The following CCDC178 variants were observed in gnomAD, a reference collection of about 807,000 sequenced individuals.
CCDC178 encodes the protein coiled-coil domain-containing protein 178.
Under a neutral mutation model 117.4 loss-of-function variants are expected in CCDC178, and 126 were observed. That is an observed-to-expected ratio of 1.07 (90% CI 0.93 to 1.24). The LOEUF is 1.24. CCDC178 is among the 50% of genes most tolerant of loss of function. CCDC178 has a pLI of 0.00. For synonymous variants in CCDC178, 283 were observed against 313.4 expected (o/e 0.90, Z 1.02); for missense variants, 1,030 against 986.9 (o/e 1.04, Z -0.59).
chr18:32,952,416 T>C (rs1568176885), intron 22 of CCDC178, among the ~76,000 whole-genome samples: 4 of 152,210 alleles, frequency 2.6e-5, no homozygotes, highest in African/African-American at 9.6e-5. Context: ...CCACCAAGGC[T>C]TTGGGTCTGC....
chr18:33,046,328 G>T lies in CCDC178; in HGVS notation c.2388+46433C>A, dbSNP rs187038933. Among the ~76,000 whole-genome samples the T allele has an allele frequency of 2.2e-3, 331 of 152,104 alleles. 2 individuals carry two copies. The highest frequency in any genetic ancestry group is 0.017 in the Middle Eastern group (5 of 294). On this transcript the variant is annotated intron_variant, in intron 21 of 22. Transcript: ENST00000383096. ...GCCAGGGACACACAATTGCTATTTGGCATAGCTATGACTTGAACATAAATC... is the reference window on the plus strand; with the variant it reads ...GCCAGGGACACACAATTGCTATTTGTCATAGCTATGACTTGAACATAAATC...
At chr18:33,254,268 A>G (rs2059652566) in intron 14 of CCDC178, among the ~76,000 whole-genome samples, 4 of 150,628 alleles carry the variant, frequency 2.7e-5, no homozygotes, top group African/African-American at 9.8e-5. Flanking sequence ...ACACACACAC[A>G]CACACACACA....
chr18:33,354,049 G>C (rs2063016836), intron 7 of CCDC178, among the ~76,000 whole-genome samples: 1 of 152,100 alleles, frequency 6.6e-6, no homozygotes, highest in African/African-American at 2.4e-5. Context: ...ACTCTTGCTA[G>C]ATTCGGAATT....
At chr18:33,267,332 T>C (rs773708947) in intron 12 of CCDC178, 35 bp from the exon 13 acceptor site, 8 of 1,225,684 alleles carry the variant, frequency 6.5e-6, no homozygotes, top group African/African-American at 3.1e-5. Flanking sequence ...AAGTGAATTG[T>C]ATAGCTTTTC....
chr18:33,299,788 CAAAAA>C (rs1599126603), intron 11 of CCDC178, among the ~76,000 whole-genome samples: 13 of 141,034 alleles, frequency 9.2e-5, no homozygotes, highest in African/African-American at 1.3e-4. Context: ...AAAAAAAACA[CAAAAA>C]ACAAAAAACA....
intron 4 of CCDC178, among the ~76,000 whole-genome samples, chr18:33,393,944 C>T (rs931796353): frequency 6.6e-6 from 1 of 151,916 alleles, no homozygotes; most frequent in African/African-American, 2.4e-5. Context: ...CAGAGAGATT[C>T]CTTACCAACT....
intron 21 of CCDC178, among the ~76,000 whole-genome samples, chr18:33,068,751 A>C (rs188127628): frequency 7.2e-5 from 11 of 152,296 alleles, no homozygotes; most frequent in African/African-American, 2.6e-4. Flanking sequence ...TTCCTCTAAG[A>C]ATGAGAGCAA....
chr18:32,939,632 T>C (rs917538977), intron 22 of CCDC178, among the ~76,000 whole-genome samples: 2 of 152,146 alleles, frequency 1.3e-5, no homozygotes, highest in African/African-American at 2.4e-5. Flanking sequence ...ACAACAGTAA[T>C]GACGGTGACT....
chr18:33,311,946 A>T (rs753940595), intron 11 of CCDC178, among the ~76,000 whole-genome samples: 2 of 152,202 alleles, frequency 1.3e-5, no homozygotes, highest in Non-Finnish European at 2.9e-5. Flanking sequence ...AGCCTCTAAA[A>T]TATAAACTAG....
At chr18:33,325,256 A>G (rs78964157) in intron 10 of CCDC178, among the ~76,000 whole-genome samples, 1 of 152,014 alleles carries the variant, frequency 6.6e-6, no homozygotes, top group African/African-American at 2.4e-5. Flanking sequence ...TGAATAATGA[A>G]TACATTTTAA....
At chr18:33,156,933 C>T (rs1158032793) in intron 20 of CCDC178, among the ~76,000 whole-genome samples, 1 of 152,158 alleles carries the variant, frequency 6.6e-6, no homozygotes, top group African/African-American at 2.4e-5. Context: ...AATATTGTTA[C>T]CATTTTATCT....
intron 21 of CCDC178, among the ~76,000 whole-genome samples, chr18:33,070,981 T>C (rs1222311285): frequency 6.6e-6 from 1 of 151,966 alleles, no homozygotes; most frequent in Non-Finnish European, 1.5e-5. Context: ...AAGATGAAAA[T>C]AAATCTTCAA....
At chr18:33,245,140 T>A in intron 15 of CCDC178, 105 bp downstream of exon 15, 1 of 1,112,926 alleles carries the variant, frequency 9.0e-7, no homozygotes, top group Non-Finnish European at 1.2e-6. Context: ...TTGAAAAGAC[T>A]GTTAATCCTT....
chr18:33,402,215 C>T (rs185950669), intron 3 of CCDC178, among the ~76,000 whole-genome samples: 4 of 152,292 alleles, frequency 2.6e-5, no homozygotes, highest in African/African-American at 7.2e-5. Flanking sequence ...ATCTACCTCT[C>T]CATAAATACA....
intron 22 of CCDC178, among the ~76,000 whole-genome samples, chr18:32,973,161 TAGAG>T (rs1321451747): frequency 6.6e-6 from 1 of 152,148 alleles, no homozygotes; most frequent in Non-Finnish European, 1.5e-5. Context: ...AGGTATGAAT[TAGAG>T]AATCACTTTA....
intron 22 of CCDC178, among the ~76,000 whole-genome samples, chr18:32,944,410 C>T (rs370597412): frequency 2.6e-5 from 4 of 152,128 alleles, no homozygotes; most frequent in South Asian, 2.1e-4. Flanking sequence ...ACAGATACTG[C>T]ACACCAAGAT....
chr18:33,186,852 C>A (rs548298542), intron 20 of CCDC178, among the ~76,000 whole-genome samples: 1 of 152,164 alleles, frequency 6.6e-6, no homozygotes, highest in Admixed American at 6.6e-5. Flanking sequence ...AAGTGAAGCA[C>A]TGACTCTTAC....
At chr18:32,944,417 A>ACT (rs1396367720) in intron 22 of CCDC178, among the ~76,000 whole-genome samples, 1 of 152,192 alleles carries the variant, frequency 6.6e-6, no homozygotes, top group Non-Finnish European at 1.5e-5. Context: ...CTGCACACCA[A>ACT]GATTATCTGC....
chr18:33,157,771 C>T (rs2058418383), intron 20 of CCDC178, among the ~76,000 whole-genome samples: 2 of 151,952 alleles, frequency 1.3e-5, no homozygotes, highest in Non-Finnish European at 2.9e-5. Context: ...ATATTCTATA[C>T]CTTTCAGATT....
Sources: gnomAD v4.1 joint callset for allele counts (sites outside exome capture counted in the v4.1 genomes callset) on GRCh38, gnomAD v4.1.1 for gene constraint, MANE v1.5 for transcripts, NCBI Gene and HGNC (gene_info 2026-07-23, HGNC 2026-07-21) for gene names.